PCLO: variants seen among roughly 807,000 people sequenced by gnomAD.
PCLO encodes protein piccolo.
In PCLO, 82 loss-of-function variants were observed where a neutral mutation model predicts 427.5. The ratio of observed to expected loss-of-function variants is 0.19; its 90% CI spans 0.16 to 0.23. PCLO has a LOEUF of 0.23. Among genes scored for constraint, PCLO ranks in the 10% least tolerant of loss-of-function variants. The probability of loss-of-function intolerance (pLI) is 1.00; values close to 1 mark genes in which losing one functional copy is unlikely to be tolerated. For missense variants in PCLO, 6,239 were observed against 6,115.9 expected (o/e 1.02, Z -0.67); for synonymous variants, 2,357 against 2,155.4 (o/e 1.09, Z -2.59).
chr7:83,093,324 C>T (rs1208482249), intron 3 of PCLO, among the ~76,000 whole-genome samples: 2 of 150,510 alleles, frequency 1.3e-5, no homozygotes, highest in Non-Finnish European at 2.9e-5. Context: ...TCAAATTTTC[C>T]AAGATAAAAT....
At chr7:82,822,317 T>C (rs991748652) in intron 20 of PCLO, 178 bp downstream of exon 20, 4 of 1,436,606 alleles carry the variant, frequency 2.8e-6, no homozygotes, top group Non-Finnish European at 3.6e-6. Context: ...ATAAAAAAAA[T>C]CTAAATAAGA....
intron 3 of PCLO, among the ~76,000 whole-genome samples, chr7:83,013,459 T>TA (rs1788135603): frequency 6.6e-6 from 1 of 152,170 alleles, no homozygotes; most frequent in African/African-American, 2.4e-5. Flanking sequence ...GTTGTCAAGA[T>TA]AAAATTAAAA....
intron 10 of PCLO, among the ~76,000 whole-genome samples, chr7:82,852,372 G>C (rs371469489): frequency 1.2e-4 from 19 of 152,174 alleles, no homozygotes; most frequent in African/African-American, 4.1e-4. Context: ...AGTCTGGGTG[G>C]GTACCAGCTA....
In PCLO at chr7:82,761,432, A is replaced by G. The variant is rs764264005; in HGVS notation, c.15069T>C (p.Gly5023=). The G allele has an allele frequency of 6.3e-7, 1 of 1,586,190 alleles. No homozygotes were observed. The highest frequency in any genetic ancestry group is 8.6e-7 in the Non-Finnish European group (1 of 1,160,192). ...IALKKEMKTD[G]EQLIVEILQC... ...GGAGAATTTCAACTATTAGTTGTTC[A>G]CCATCTGTCTTCATTTCCTTCTTCA... Residue 5023 remains glycine, a synonymous_variant, in exon 23 of 25, where the codon GGT becomes GGC. Transcript: ENST00000333891.
At chr7:83,083,216 T>C (rs1790147355) in intron 3 of PCLO, among the ~76,000 whole-genome samples, 1 of 152,010 alleles carries the variant, frequency 6.6e-6, no homozygotes, top group African/African-American at 2.4e-5. Flanking sequence ...TAGATAATGT[T>C]ACAATGGCTA....
At chr7:82,873,601 A>C (rs1272185000) in intron 10 of PCLO, among the ~76,000 whole-genome samples, 1 of 152,208 alleles carries the variant, frequency 6.6e-6, no homozygotes, top group African/African-American at 2.4e-5. Flanking sequence ...AGTGCAAATG[A>C]ATCACAAACA....
Position 82,841,522 on chromosome 7 carries a change from A to G in PCLO, c.14047-13T>C, listed in dbSNP as rs1203968606. 9.6e-6 allele frequency: 14 copies of G among 1,455,850 alleles called. No homozygotes were observed. Among genetic ancestry groups the G allele is most frequent in the Non-Finnish European group, 3.9e-6 (4 of 1,037,992 alleles). 90.2% of individuals were successfully genotyped at this position (1,455,850 alleles called of 1,614,324 possible). A position where few individuals can be genotyped will look rare whatever the true frequency, so the allele number is the denominator to read the frequency against. On this transcript the variant is annotated splice_polypyrimidine_tract_variant and intron_variant, in intron 13 of 24. Transcript: ENST00000333891. ...TTCCATCGGTAGGCTGTAATATTAAAGAACATATATTACATTAATAGATAC... is the reference window on the plus strand; with the variant it reads ...TTCCATCGGTAGGCTGTAATATTAAGGAACATATATTACATTAATAGATAC...
intron 3 of PCLO, among the ~76,000 whole-genome samples, chr7:83,026,068 A>C (rs1788486982): frequency 6.6e-6 from 1 of 152,100 alleles, no homozygotes; most frequent in African/African-American, 2.4e-5. Flanking sequence ...ATCACCAGCT[A>C]ACATCATCAT....
At chr7:83,112,148 C>T (rs1431495174) in intron 3 of PCLO, among the ~76,000 whole-genome samples, 3 of 152,126 alleles carry the variant, frequency 2.0e-5, no homozygotes, top group Non-Finnish European at 4.4e-5. Context: ...ACCTCTGCTT[C>T]CCGGGTTCAA....
At chr7:82,778,656 T>A (rs1790806350) in intron 22 of PCLO, among the ~76,000 whole-genome samples, 1 of 152,146 alleles carries the variant, frequency 6.6e-6, no homozygotes, top group South Asian at 2.1e-4. Context: ...CCATTCACAG[T>A]TATTTTTTGT....
intron 22 of PCLO, among the ~76,000 whole-genome samples, chr7:82,778,641 T>G (rs546971910): frequency 3.6e-4 from 55 of 152,306 alleles, no homozygotes; most frequent in African/African-American, 1.3e-3. Flanking sequence ...TTTTGAATAC[T>G]TAAACCATTC....
intron 22 of PCLO, among the ~76,000 whole-genome samples, chr7:82,784,614 T>C (rs761446521): frequency 9.9e-5 from 15 of 152,192 alleles, no homozygotes; most frequent in Admixed American, 3.9e-4. Flanking sequence ...TTTATCATCC[T>C]CATTACCCTC....
chr7:83,130,342 C>A (rs1407291190), intron 3 of PCLO, among the ~76,000 whole-genome samples: 2 of 152,016 alleles, frequency 1.3e-5, no homozygotes, highest in Non-Finnish European at 2.9e-5. Context: ...ACCATGCCGG[C>A]TTTCTCATAT....
chr7:82,940,857 G>A (rs1425336099), intron 6 of PCLO, among the ~76,000 whole-genome samples: 11 of 148,494 alleles, frequency 7.4e-5, no homozygotes, highest in African/African-American at 2.7e-4. Flanking sequence ...CCGCCTCCCG[G>A]GTTCATGCCA....
At chr7:83,020,186 T>G (rs1369727295) in intron 3 of PCLO, among the ~76,000 whole-genome samples, 1 of 152,102 alleles carries the variant, frequency 6.6e-6, no homozygotes, top group Non-Finnish European at 1.5e-5. Flanking sequence ...GTTTGACCCC[T>G]AAGTGTTTAT....
chr7:82,888,129 A>T (rs1157572551), intron 9 of PCLO, among the ~76,000 whole-genome samples: 1 of 152,082 alleles, frequency 6.6e-6, no homozygotes, highest in Non-Finnish European at 1.5e-5. Context: ...TGTCAAAATA[A>T]TAAAATAGAA....
chr7:82,815,219 T>G (rs943354759), intron 20 of PCLO, among the ~76,000 whole-genome samples: 1 of 152,026 alleles, frequency 6.6e-6, no homozygotes, highest in Non-Finnish European at 1.5e-5. Flanking sequence ...AAAATAACTA[T>G]GTTATTGTGC....
In PCLO at chr7:83,094,078, C is replaced by T. The variant is rs142738425; in HGVS notation, c.3300+40172G>A. 4.7e-3 allele frequency among the ~76,000 whole-genome samples: 718 copies of T among 152,018 alleles called. 7 individuals carry two copies. The highest frequency in any genetic ancestry group is 0.016 in the African/African-American group (684 of 41,486). ...TGCTTTTTTATAGCCATACCCACTT[C>T]CTTCTGCCCCACTCCTTCCTTAACC... On this transcript the variant is annotated intron_variant, in intron 3 of 24. Coordinates refer to ENST00000333891, the MANE Select transcript of PCLO (RefSeq NM_033026.6).
In PCLO at chr7:83,135,436, G is replaced by C. The variant is rs985651769; in HGVS notation, c.2114C>G (p.Pro705Arg). Residue 705 changes from proline (P) to arginine (R), a missense_variant, in exon 3 of 25, where the codon CCA becomes CGA. Physicochemically the swap from Pro to Arg is moderately radical, Grantham distance 103. Around this residue, in one of 5 missense-constraint regions of PCLO, gnomAD observed 4,677 missense variants for 4,468.4 expected, o/e 1.05. Transcript: ENST00000333891. ...ATGAAGGGTTGGTTGTTTCACTAGTGGTGGTGGCTTTTTAGGCTCAGGTGC... is the reference window on the plus strand; with the variant it reads ...ATGAAGGGTTGGTTGTTTCACTAGTCGTGGTGGCTTTTTAGGCTCAGGTGC... ...SKAPEPKKPP[P>R]LVKQPTLHGS... The C allele has an allele frequency of 6.2e-7, 1 of 1,613,864 alleles. No homozygotes were observed.
Sources: allele counts gnomAD v4.1 joint callset (sites outside exome capture counted in the v4.1 genomes callset), GRCh38; gene constraint gnomAD v4.1.1; regional missense constraint gnomAD v4.1.1; transcripts MANE v1.5; gene names NCBI Gene and HGNC (gene_info 2026-07-23, HGNC 2026-07-21).